STXBP5L: variants seen among roughly 807,000 people sequenced by gnomAD.
The protein encoded by STXBP5L is syntaxin-binding protein 5-like.
A neutral mutation model predicts 144.5 loss-of-function variants in STXBP5L; 65 were observed. The ratio of observed to expected loss-of-function variants is 0.45; its 90% confidence interval spans 0.37 to 0.55. The LOEUF (loss-of-function observed/expected upper bound fraction) is 0.55, where lower values mean the gene tolerates loss of function less well. Ranked by LOEUF, STXBP5L falls within the 20% of genes least tolerant of loss-of-function variation. The pLI is 0.00. For missense variants in STXBP5L, 1,298 were observed against 1,405.5 expected (o/e 0.92, Z 1.22); for synonymous variants, 505 against 469.6 (o/e 1.08, Z -0.97).
intron 5 of STXBP5L, among the ~76,000 whole-genome samples, chr3:121,067,501 C>T (rs966781756): frequency 1.3e-5 from 2 of 152,046 alleles, no homozygotes; most frequent in African/African-American, 4.8e-5. Flanking sequence ...ATGGTTTTAG[C>T]TTCTTTGACA....
At chr3:121,002,768 A>T (rs1013836109) in intron 3 of STXBP5L, among the ~76,000 whole-genome samples, 3 of 127,146 alleles carry the variant, frequency 2.4e-5, no homozygotes, top group African/African-American at 3.1e-5. Context: ...ATGTGTTCTC[A>T]TTGTTCAATT....
intron 20 of STXBP5L, among the ~76,000 whole-genome samples, chr3:121,369,915 G>A (rs2045980130): frequency 6.6e-6 from 1 of 152,134 alleles, no homozygotes; most frequent in South Asian, 2.1e-4. Flanking sequence ...TCTTATAGAT[G>A]ATGATATGGC....
chr3:121,174,871 G>T (rs1232656178), intron 9 of STXBP5L, among the ~76,000 whole-genome samples: 1 of 152,020 alleles, frequency 6.6e-6, no homozygotes, highest in Non-Finnish European at 1.5e-5. Context: ...AGCCTGTAGA[G>T]GAAGAAGAGT....
intron 22 of STXBP5L, among the ~76,000 whole-genome samples, chr3:121,395,803 G>A (rs1368974642): frequency 6.6e-6 from 1 of 152,200 alleles, no homozygotes; most frequent in Admixed American, 6.5e-5. Context: ...TCCACCAGCT[G>A]TGACAGCTTC....
intron 20 of STXBP5L, among the ~76,000 whole-genome samples, chr3:121,343,179 CT>C (rs1209097373): frequency 1.2e-3 from 190 of 152,172 alleles, no homozygotes; most frequent in African/African-American, 4.3e-3. Context: ...CCTTCACCCA[CT>C]TTTTGATGGG....
intron 3 of STXBP5L, among the ~76,000 whole-genome samples, chr3:120,994,899 G>C (rs895989965): frequency 6.6e-6 from 1 of 152,036 alleles, no homozygotes; most frequent in East Asian, 1.9e-4. Context: ...AAGCCATTGG[G>C]TCCTGGGCTT....
chr3:121,068,815 C>T (rs1050923114), intron 5 of STXBP5L, among the ~76,000 whole-genome samples: 3 of 151,934 alleles, frequency 2.0e-5, no homozygotes, highest in Non-Finnish European at 4.4e-5. Flanking sequence ...TTTCTTTTGC[C>T]TGAAAATTTT....
intron 12 of STXBP5L, among the ~76,000 whole-genome samples, chr3:121,236,162 G>A (rs892954482): frequency 1.3e-5 from 2 of 152,104 alleles, no homozygotes; most frequent in African/African-American, 4.8e-5. Flanking sequence ...ACATCCATAA[G>A]TCTTTATTCC....
chr3:121,350,183 G>C (rs997632466), intron 20 of STXBP5L, among the ~76,000 whole-genome samples: 3 of 152,112 alleles, frequency 2.0e-5, no homozygotes, highest in African/African-American at 7.2e-5. Flanking sequence ...GCATTTACTT[G>C]TCTGTAAAGG....
chr3:121,232,166 TA>T, intron 11 of STXBP5L, among the ~76,000 whole-genome samples: 2 of 152,214 alleles, frequency 1.3e-5, no homozygotes, highest in Non-Finnish European at 2.9e-5. Flanking sequence ...AGACAAACCC[TA>T]AACTTGACAC....
chr3:121,276,683 G>A (rs2050895510), intron 18 of STXBP5L, among the ~76,000 whole-genome samples: 2 of 151,460 alleles, frequency 1.3e-5, no homozygotes, highest in South Asian at 4.1e-4. Context: ...CTTTTGGTTT[G>A]TATAGTTTCA....
chr3:121,053,308 A>T (rs994728850), intron 5 of STXBP5L, among the ~76,000 whole-genome samples: 1 of 152,208 alleles, frequency 6.6e-6, no homozygotes, highest in Non-Finnish European at 1.5e-5. Context: ...AAAAGAACAA[A>T]GTCGGAGGCA....
intron 9 of STXBP5L, among the ~76,000 whole-genome samples, chr3:121,173,367 G>A (rs2046807407): frequency 7.1e-6 from 1 of 140,028 alleles, no homozygotes; most frequent in Non-Finnish European, 1.6e-5. Flanking sequence ...ATAGAATAGT[G>A]CTCTCACTTC....
intron 5 of STXBP5L, among the ~76,000 whole-genome samples, chr3:121,060,861 C>T (rs2041239502): frequency 6.6e-6 from 1 of 151,814 alleles, no homozygotes; most frequent in Non-Finnish European, 1.5e-5. Flanking sequence ...ATTCTTTTCT[C>T]TTCTTCTTTA....
intron 4 of STXBP5L, among the ~76,000 whole-genome samples, chr3:121,042,614 C>T (rs1420238737): frequency 6.6e-6 from 1 of 152,104 alleles, no homozygotes; most frequent in Non-Finnish European, 1.5e-5. Context: ...CATATATTTG[C>T]ATATATCTAT....
rs542643626 is a variant in STXBP5L, at chr3:121,349,548, A to G, written c.2177-29168A>G. 5.9e-5 allele frequency among the ~76,000 whole-genome samples: 9 copies of G among 152,150 alleles called. No homozygotes were observed. The South Asian group carries it at 1.9e-3, about 32-fold the overall frequency. On this transcript the variant is annotated intron_variant, in intron 20 of 26. Transcript: ENST00000471454. ...CTGTCTCGTTGATCTTCTAATGTTG[A>G]CAGTGGGGTGTTAAAGTCTCTCATT...
rs948411360 is a variant in STXBP5L at position 120,974,481 on chromosome 3, A to G, written c.287+19444A>G. Among the ~76,000 whole-genome samples, 4 of 148,972 alleles carry G rather than the reference A, an allele frequency of 2.7e-5. 1 individual carries two copies. The highest frequency in any genetic ancestry group is 7.6e-5 in the African/African-American group (3 of 39,680). ...GAGTAGGTTGCAAAAATATTCTCCC[A>G]TGCTCTAGGTTGCCTGTTCACTCTG... On this transcript the variant is annotated intron_variant, in intron 3 of 26. Coordinates refer to ENST00000471454, the MANE Select transcript of STXBP5L (RefSeq NM_001308330.2).
intron 5 of STXBP5L, among the ~76,000 whole-genome samples, chr3:121,090,927 CCT>C (rs1449734458): frequency 0.075 from 8,466 of 113,208 alleles, 462 homozygotes; most frequent in Admixed American, 0.17. Flanking sequence ...ATCCCTCCCC[CCT>C]CCCCCCACCC....
chr3:121,035,063 G>A (rs1560033786), intron 3 of STXBP5L, among the ~76,000 whole-genome samples: 1 of 152,008 alleles, frequency 6.6e-6, no homozygotes, highest in East Asian at 1.9e-4. Context: ...TTTTAATGGG[G>A]TTATTTGTTT....
Sources: gnomAD v4.1 joint callset for allele counts (sites outside exome capture counted in the v4.1 genomes callset) on GRCh38, gnomAD v4.1.1 for gene constraint, MANE v1.5 for transcripts, NCBI Gene and HGNC (gene_info 2026-07-23, HGNC 2026-07-21) for gene names.